Variants in CDH12 observed in about 807,000 individuals in gnomAD.
CDH12 encodes the protein cadherin 12, also known as cadherin-12.
In CDH12, 41 loss-of-function variants were observed where a neutral mutation model predicts 74.1. That is an observed-to-expected ratio of 0.55 (90% CI 0.43 to 0.72). The LOEUF is 0.72. CDH12 is among the 30% of genes least tolerant of loss of function. CDH12 has a pLI of 0.00. For missense variants in CDH12, 945 were observed against 977.2 expected (o/e 0.97, Z 0.44); for synonymous variants, 399 against 355.0 (o/e 1.12, Z -1.39).
intron 1 of CDH12, among the ~76,000 whole-genome samples, chr5:22,585,504 CTCT>C (rs897305801): frequency 7.9e-5 from 12 of 152,206 alleles, no homozygotes; most frequent in Non-Finnish European, 1.8e-4. Flanking sequence ...TTCTTCCCTC[CTCT>C]TATCTTCTTC....
At chr5:22,204,362 C>G (rs1272299398) in intron 4 of CDH12, among the ~76,000 whole-genome samples, 1 of 152,064 alleles carries the variant, frequency 6.6e-6, no homozygotes, top group Admixed American at 6.5e-5. Context: ...GGGGTTTCAC[C>G]GTGTTAGCCA....
chr5:22,746,763 T>C (rs1745315986), intron 1 of CDH12, among the ~76,000 whole-genome samples: 1 of 152,202 alleles, frequency 6.6e-6, no homozygotes, highest in Admixed American at 6.5e-5. Flanking sequence ...TTAAATCAGC[T>C]TGCAAAATGC....
intron 1 of CDH12, among the ~76,000 whole-genome samples, chr5:22,649,982 A>G (rs1739647824): frequency 6.6e-6 from 1 of 151,976 alleles, no homozygotes. Context: ...TTATATGTAT[A>G]TTTTTGTGCA....
intron 5 of CDH12, among the ~76,000 whole-genome samples, chr5:22,027,085 T>C (rs1182936241): frequency 1.3e-5 from 2 of 152,178 alleles, no homozygotes; most frequent in African/African-American, 2.4e-5. Context: ...GTGGTTTTTG[T>C]CTTTGGTTCT....
chr5:22,314,877 T>C (rs1479103612), intron 3 of CDH12, among the ~76,000 whole-genome samples: 1 of 150,242 alleles, frequency 6.7e-6, no homozygotes, highest in Non-Finnish European at 1.5e-5. Context: ...AAAGATAATA[T>C]TTTTAAAACA....
chr5:22,217,573 C>G (rs1401580648), intron 3 of CDH12, among the ~76,000 whole-genome samples: 1 of 151,418 alleles, frequency 6.6e-6, no homozygotes, highest in Admixed American at 6.6e-5. Flanking sequence ...TATTTTGTAT[C>G]TTTGAGGTAT....
chr5:21,775,729 T>TA (rs75838251), intron 11 of CDH12, among the ~76,000 whole-genome samples: 288 of 151,974 alleles, frequency 1.9e-3, no homozygotes, highest in African/African-American at 4.8e-3. Context: ...TAATTTTTTT[T>TA]AAAAAAATAA....
At chr5:22,322,444 G>A (rs1264633413) in intron 3 of CDH12, among the ~76,000 whole-genome samples, 4 of 150,514 alleles carry the variant, frequency 2.7e-5, no homozygotes, top group African/African-American at 9.8e-5. Flanking sequence ...GTGAAGGTTA[G>A]GACTCCAGAA....
At chr5:22,819,099 G>A (rs1483581796) in intron 1 of CDH12, among the ~76,000 whole-genome samples, 1 of 152,094 alleles carries the variant, frequency 6.6e-6, no homozygotes, top group Non-Finnish European at 1.5e-5. Context: ...TGGAGAAAAA[G>A]TTAAAGAACC....
chr5:22,811,944 G>A (rs1251558016), intron 1 of CDH12, among the ~76,000 whole-genome samples: 1 of 152,092 alleles, frequency 6.6e-6, no homozygotes, highest in Non-Finnish European at 1.5e-5. Context: ...TGTTCATAGA[G>A]GTCGACCTTC....
intron 1 of CDH12, among the ~76,000 whole-genome samples, chr5:22,772,249 T>C (rs1216609500): frequency 6.6e-6 from 1 of 151,892 alleles, no homozygotes; most frequent in African/African-American, 2.4e-5. Flanking sequence ...ATTCACAACA[T>C]AGAGAACAAC....
chr5:22,493,751 G>C (rs1746986876), intron 2 of CDH12, among the ~76,000 whole-genome samples: 1 of 152,162 alleles, frequency 6.6e-6, no homozygotes, highest in Admixed American at 6.6e-5. Context: ...TTGAAAGAAG[G>C]ACAGAATACA....
intron 2 of CDH12, among the ~76,000 whole-genome samples, chr5:22,504,498 T>C (rs2126661338): frequency 6.6e-6 from 1 of 152,218 alleles, no homozygotes; most frequent in Admixed American, 6.5e-5. Flanking sequence ...TCTTCAACCT[T>C]GTCTTTCTGA....
intron 3 of CDH12, among the ~76,000 whole-genome samples, chr5:22,398,229 A>G (rs1742549185): frequency 6.6e-6 from 1 of 152,238 alleles, no homozygotes; most frequent in East Asian, 1.9e-4. Context: ...CTCACAGGGA[A>G]GCAGCTCTAA....
rs1036299480 is a variant in CDH12, at chr5:21,783,341, G to A, written c.1393+17C>T. On this transcript the variant is annotated intron_variant, in intron 11 of 14. Transcript: ENST00000382254. ...AGAACTGCAGTATAACATTGATTCT[G>A]TCCATGCCATACTTACTAACTTTAC... The A allele has an allele frequency of 1.2e-6, 2 of 1,607,236 alleles. No individual in the cohort carries two copies. Among genetic ancestry groups the A allele is most frequent in the African/African-American group, 1.3e-5 (1 of 74,800 alleles).
At chr5:22,806,786 G>T (rs568068051) in intron 1 of CDH12, among the ~76,000 whole-genome samples, 26 of 152,194 alleles carry the variant, frequency 1.7e-4, no homozygotes, top group African/African-American at 5.5e-4. Context: ...TTTGAGAATT[G>T]TGTGTTCATA....
chr5:22,233,075 C>T (rs1752441237), intron 3 of CDH12, among the ~76,000 whole-genome samples: 5 of 151,158 alleles, frequency 3.3e-5, no homozygotes, highest in South Asian at 4.2e-4. Context: ...TATTACTTTG[C>T]TATTTTAAAA....
rs561240268 is a variant in CDH12, at chr5:22,634,898, A to T, written c.-522-129534T>A. Among the ~76,000 whole-genome samples the T allele has an allele frequency of 3.3e-5, 5 of 152,142 alleles. No individual in the cohort carries two copies. In the East Asian group the frequency reaches 9.7e-4, roughly 30 times the overall value. On this transcript the variant is annotated intron_variant, in intron 1 of 14. Coordinates refer to ENST00000382254, the MANE Select transcript of CDH12 (RefSeq NM_004061.5). ...TTGTCTCTTCATCATAGATCAGATG[A>T]TTTGTTATTGTTAAGATGACAATAC...
chr5:22,307,731 A>G (rs1435667309), intron 3 of CDH12, among the ~76,000 whole-genome samples: 1 of 152,020 alleles, frequency 6.6e-6, no homozygotes, highest in East Asian at 1.9e-4. Flanking sequence ...TAATTTTTAA[A>G]ATCTTGGTGA....
Sources: allele counts gnomAD v4.1 joint callset (sites outside exome capture counted in the v4.1 genomes callset), GRCh38; gene constraint gnomAD v4.1.1; transcripts MANE v1.5; gene names NCBI Gene and HGNC (gene_info 2026-07-23, HGNC 2026-07-21).